Variants in MTAP observed in about 807,000 individuals in gnomAD.
The protein encoded by MTAP is methylthioadenosine phosphorylase, also known as S-methyl-5'-thioadenosine phosphorylase.
Under a neutral mutation model 33.6 loss-of-function variants are expected in MTAP, and 33 were observed. The ratio of observed to expected loss-of-function variants is 0.98; its 90% CI spans 0.74 to 1.31. The LOEUF (loss-of-function observed/expected upper bound fraction) is 1.31, where lower values mean the gene tolerates loss of function less well. Among genes scored for constraint, MTAP ranks in the 40% most tolerant of loss-of-function variants. The probability of loss-of-function intolerance (pLI) is 0.00; values close to 1 mark genes in which losing one functional copy is unlikely to be tolerated. For missense variants in MTAP, 367 were observed against 360.0 expected (o/e 1.02, Z -0.16); for synonymous variants, 148 against 125.7 (o/e 1.18, Z -1.19).
At chr9:21,919,729 G>C (rs1025914506) in intron 1 of MTAP, among the ~76,000 whole-genome samples, 4 of 152,230 alleles carry the variant, frequency 2.6e-5, no homozygotes, top group African/African-American at 9.6e-5. Context: ...TCATAGCTTA[G>C]AGGTCAAGGT....
chr9:21,842,289 A>G (rs1825266758), intron 5 of MTAP, among the ~76,000 whole-genome samples: 1 of 152,214 alleles, frequency 6.6e-6, no homozygotes, highest in Non-Finnish European at 1.5e-5. Flanking sequence ...GCCAAACCTA[A>G]GAATAATTGG....
At chr9:21,807,180 TAACAACA>T (rs1824228464) in intron 1 of MTAP, among the ~76,000 whole-genome samples, 1 of 152,194 alleles carries the variant, frequency 6.6e-6, no homozygotes, top group South Asian at 2.1e-4. Context: ...ATAATAATAA[TAACAACA>T]ACTTGTTAAT....
At chr9:21,872,912 C>G (rs974505970) in intron 1 of MTAP, among the ~76,000 whole-genome samples, 2 of 152,158 alleles carry the variant, frequency 1.3e-5, no homozygotes, top group African/African-American at 4.8e-5. Flanking sequence ...CTGGTCCTCT[C>G]TAACAGTTCA....
At chr9:21,918,987 G>C (rs965749490) in intron 1 of MTAP, among the ~76,000 whole-genome samples, 1 of 152,168 alleles carries the variant, frequency 6.6e-6, no homozygotes, top group Non-Finnish European at 1.5e-5. Context: ...GATCACCAAG[G>C]TGTGACATAG....
At chr9:21,826,774 C>G (rs898801951) in intron 4 of MTAP, among the ~76,000 whole-genome samples, 2 of 152,018 alleles carry the variant, frequency 1.3e-5, no homozygotes, top group South Asian at 4.2e-4. Context: ...AAGTGGTGGT[C>G]TCTAGGTCAG....
At chr9:21,860,145 C>G (rs557440818) in intron 7 of MTAP, 3 of 152,232 alleles carry the variant, frequency 2.0e-5, no homozygotes, top group African/African-American at 7.2e-5. Context: ...TCTAAGCCCT[C>G]CTTACCTGAA....
At chr9:21,916,764 T>C (rs115258089) in intron 1 of MTAP, among the ~76,000 whole-genome samples, 2,236 of 152,284 alleles carry the variant, frequency 0.015, 64 homozygotes, top group African/African-American at 0.051. Flanking sequence ...CCTACATCGC[T>C]CCTGGATCCT....
intron 5 of MTAP, among the ~76,000 whole-genome samples, chr9:21,847,263 A>C (rs745543910): frequency 1.2e-4 from 18 of 152,166 alleles, no homozygotes; most frequent in Non-Finnish European, 2.9e-5. Context: ...TTAATACTTA[A>C]TAAACTCCCA....
intron 5 of MTAP, among the ~76,000 whole-genome samples, chr9:21,839,128 C>T (rs923483855): frequency 9.3e-5 from 14 of 150,836 alleles, no homozygotes; most frequent in African/African-American, 2.4e-4. Context: ...GATACCACTG[C>T]GCATTGATTT....
chr9:21,875,892 A>G (rs1221811556), intron 1 of MTAP, among the ~76,000 whole-genome samples: 3 of 152,110 alleles, frequency 2.0e-5, no homozygotes, highest in Non-Finnish European at 4.4e-5. Flanking sequence ...GTATATACCT[A>G]GTAATGAGAT....
chr9:21,910,293 G>A (rs1171538137), intron 1 of MTAP, among the ~76,000 whole-genome samples: 1 of 151,986 alleles, frequency 6.6e-6, no homozygotes, highest in Non-Finnish European at 1.5e-5. Flanking sequence ...ATCTTAGCAT[G>A]AGGGAGGAAG....
chr9:21,915,000 T>TTTCCTTCCCTCCTTCCTTCCTTCC lies in MTAP; in HGVS notation c.148-16000_148-15999insCTCCTTCCTTCCTTCCTTCCTTCC, dbSNP rs1818653679. On this transcript the variant is annotated intron_variant, in intron 1 of 1. Coordinates refer to the MTAP transcript ENST00000577563. ...TAGCACATATCAATACTTTGTTTTC[T>TTTCCTTCCCTCCTTCCTTCCTTCC]TTCCTTCCTTCCTTCCTTCCTTCCT... Among the ~76,000 whole-genome samples the TTTCCTTCCCTCCTTCCTTCCTTCC allele has an allele frequency of 1.9e-4, 16 of 83,770 alleles. 1 individual carries two copies. Among genetic ancestry groups the TTTCCTTCCCTCCTTCCTTCCTTCC allele is most frequent in the African/African-American group, 8.0e-4 (14 of 17,478 alleles). The allele number at this position is 83,770 out of a possible 152,430, so 55.0% of individuals were successfully genotyped here.
intron 7 of MTAP, 162 bp downstream of exon 7, chr9:21,859,587 C>CT: frequency 1.5e-6 from 1 of 685,826 alleles, no homozygotes; most frequent in Non-Finnish European, 2.2e-6. Flanking sequence ...ACTTGTGAAA[C>CT]TGAGTAGTCT....
At chr9:21,938,013 C>G (rs996773742), downstream of MTAP, among the ~76,000 whole-genome samples, 2 of 152,150 alleles carry the variant, frequency 1.3e-5, no homozygotes, top group African/African-American at 4.8e-5. Context: ...TGGCTCATGC[C>G]TGTAATCCTA....
chr9:21,917,172 A>G (rs896077007), intron 1 of MTAP, among the ~76,000 whole-genome samples: 2 of 152,218 alleles, frequency 1.3e-5, no homozygotes, highest in African/African-American at 4.8e-5. Context: ...GGGAAATACA[A>G]AGAGTCCAGT....
intron 3 of MTAP, among the ~76,000 whole-genome samples, chr9:21,817,677 A>C (rs955943461): frequency 6.6e-6 from 1 of 151,788 alleles, no homozygotes; most frequent in African/African-American, 2.4e-5. Flanking sequence ...CGGCAGGAGA[A>C]TCTCCTATGC....
intron 4 of MTAP, among the ~76,000 whole-genome samples, chr9:21,828,102 A>G (rs757754242): frequency 1.3e-5 from 2 of 152,222 alleles, no homozygotes; most frequent in Non-Finnish European, 2.9e-5. Context: ...TGGAGACTAG[A>G]AAGAAAACAG....
intron 1 of MTAP, 78 bp from the exon 2 acceptor site, chr9:21,815,355 T>A (rs964748636): frequency 1.1e-5 from 11 of 1,014,048 alleles, no homozygotes; most frequent in Admixed American, 2.4e-5. Flanking sequence ...AGCATATGAA[T>A]AAATGAATTT....
chr9:21,907,472 G>C (rs1818494152), intron 1 of MTAP, among the ~76,000 whole-genome samples: 1 of 152,212 alleles, frequency 6.6e-6, no homozygotes, highest in African/African-American at 2.4e-5. Flanking sequence ...CGAGAGGATG[G>C]CTTGAGCCTG....
Sources: allele counts gnomAD v4.1 joint callset (sites outside exome capture counted in the v4.1 genomes callset), GRCh38; gene constraint gnomAD v4.1.1; transcripts MANE v1.5; gene names NCBI Gene and HGNC (gene_info 2026-07-23, HGNC 2026-07-21).